VCPIP1: variants seen among roughly 807,000 people sequenced by gnomAD.
VCPIP1 encodes the protein deubiquitinating protein VCPIP1.
A neutral mutation model predicts 85.0 loss-of-function variants in VCPIP1; 8 were observed. The ratio of observed to expected loss-of-function variants is 0.09; its 90% CI spans 0.06 to 0.17. The LOEUF is 0.17. VCPIP1 is among the 10% of genes least tolerant of loss of function. The probability of loss-of-function intolerance (pLI) is 1.00; values close to 1 mark genes in which losing one functional copy is unlikely to be tolerated. For missense variants in VCPIP1, 1,070 were observed against 1,486.3 expected (o/e 0.72, Z 4.61); for synonymous variants, 543 against 544.5 (o/e 1.00, Z 0.04).
In VCPIP1 at chr8:66,665,271, G is replaced by C; in HGVS notation, c.1688C>G (p.Thr563Ser). Residue 563 changes from threonine to serine, a missense_variant, in exon 1 of 3, where the codon ACT becomes AGT. This residue lies in a region of VCPIP1 where 123 missense variants were observed against 156.3 expected (regional missense o/e 0.79). Coordinates refer to ENST00000310421, the MANE Select transcript of VCPIP1 (RefSeq NM_025054.5). This position sits in a 1 kb window ranked among gnomAD's most constrained non-coding sequence, Gnocchi z 4.3. Reference sequence around the variant, plus strand: ...TTTGCCACCAGTGGACCTAGAATTAGTTCTGTCTCCATCCAAATACACAAT... The same window carrying C: ...TTTGCCACCAGTGGACCTAGAATTACTTCTGTCTCCATCCAAATACACAAT... ...GSIVYLDGDR[T>S]NSRSTGGKCG... 6.2e-7 allele frequency: 1 copy of C among 1,614,158 alleles called. No individual in the cohort carries two copies.
At chr8:66,662,695 T>G (rs960448734) in intron 1 of VCPIP1, among the ~76,000 whole-genome samples, 13 of 151,974 alleles carry the variant, frequency 8.6e-5, no homozygotes, top group African/African-American at 2.7e-4. Context: ...TATTTATTTA[T>G]TTTTTGAGAC....
chr8:66,667,217 C>A lies in VCPIP1; in HGVS notation c.-259G>T, dbSNP rs567909310. 51 of 643,562 alleles carry A rather than the reference C, an allele frequency of 7.9e-5. No homozygotes were observed. The highest frequency in any genetic ancestry group is 8.8e-4 in the Middle Eastern group (2 of 2,272). The allele number at this position is 643,562 out of a possible 1,614,324, so 39.9% of individuals were successfully genotyped here. A position where few individuals can be genotyped will look rare whatever the true frequency, so the allele number is the denominator to read the frequency against. ...ACTCACACTCACTCACTCTCGCTCTCTCTCCCTCAGACACAGACATACACG... is the reference window on the plus strand; with the variant it reads ...ACTCACACTCACTCACTCTCGCTCTATCTCCCTCAGACACAGACATACACG... On this transcript the variant is annotated 5_prime_UTR_variant, in exon 1 of 3. Coordinates refer to ENST00000310421, the MANE Select transcript of VCPIP1 (RefSeq NM_025054.5).
chr8:66,635,913 CAAAAAAA>C (rs1187108604), intron 2 of VCPIP1, among the ~76,000 whole-genome samples: 1 of 75,730 alleles, frequency 1.3e-5, no homozygotes, highest in Non-Finnish European at 2.7e-5. Flanking sequence ...AACTCTATCT[CAAAAAAA>C]AAAAAAAAAA....
In VCPIP1 at chr8:66,632,262, C is replaced by T. The variant is rs1269785584; in HGVS notation, c.*2239G>A. ...ATTCTAAAACTTCTTTGTGAGGATACCTGGCCTACTTCTCAAAAACCATCA... is the reference window on the plus strand; with the variant it reads ...ATTCTAAAACTTCTTTGTGAGGATATCTGGCCTACTTCTCAAAAACCATCA... On this transcript the variant is annotated 3_prime_UTR_variant, in exon 3 of 3. Transcript: ENST00000310421. 4.6e-5 allele frequency: 7 copies of T among 151,984 alleles called. No individual in the cohort carries two copies. Among genetic ancestry groups the T allele is most frequent in the African/African-American group, 1.4e-4 (6 of 41,404 alleles). The allele number at this position is 151,984 out of a possible 1,614,324, so 9.4% of individuals were successfully genotyped here.
Position 66,631,924 on chromosome 8 carries a change from T to C in VCPIP1, c.*2577A>G, listed in dbSNP as rs941494473. On this transcript the variant is annotated 3_prime_UTR_variant, in exon 3 of 3. Transcript: ENST00000310421. The stretch of plus-strand genomic sequence containing the variant: ...ACTATCTTCAACACTACCTGGACTT[T>C]AGGTCATCAACTTAAATTTGGTATG... 7 of 152,536 alleles carry C rather than the reference T, an allele frequency of 4.6e-5. No individual in the cohort carries two copies. In the East Asian group the frequency reaches 5.8e-4, roughly 13 times the overall value. 9.4% of individuals were successfully genotyped at this position (152,536 alleles called of 1,614,324 possible).
chr8:66,665,088 T>C lies in VCPIP1; in HGVS notation c.1871A>G (p.Asp624Gly). ...CTTGGTAACAAGTTTCATTGCAACATCGTAAACATTACTATTCAAAGATGA... is the reference window on the plus strand; with the variant it reads ...CTTGGTAACAAGTTTCATTGCAACACCGTAAACATTACTATTCAAAGATGA... ...SDSSLNSNVY[D>G]VAMKLVTKHF... Residue 624 changes from aspartate to glycine, a missense_variant, in exon 1 of 3, where the codon GAT becomes GGT. Asp to Gly is a moderately conservative substitution (Grantham distance 94). Coordinates refer to ENST00000310421, the MANE Select transcript of VCPIP1 (RefSeq NM_025054.5). This position sits in a 1 kb window ranked among gnomAD's most constrained non-coding sequence, Gnocchi z 4.3. The C allele has an allele frequency of 1.2e-6, 2 of 1,614,050 alleles. No homozygotes were observed. The highest frequency in any genetic ancestry group is 1.7e-6 in the Non-Finnish European group (2 of 1,179,970).
At chr8:66,656,261 C>G (rs1387099132) in intron 1 of VCPIP1, among the ~76,000 whole-genome samples, 1 of 152,160 alleles carries the variant, frequency 6.6e-6, no homozygotes, top group Non-Finnish European at 1.5e-5. Flanking sequence ...GTGGCTCAAT[C>G]ATGGTTCACC....
At chr8:66,641,035 G>T (rs1466823871) in intron 2 of VCPIP1, among the ~76,000 whole-genome samples, 1 of 152,172 alleles carries the variant, frequency 6.6e-6, no homozygotes, top group Non-Finnish European at 1.5e-5. Flanking sequence ...GGCCCTGGGG[G>T]CCACAGGTAC....
intron 1 of VCPIP1, among the ~76,000 whole-genome samples, chr8:66,656,515 A>T (rs1811102080): frequency 6.6e-6 from 1 of 152,212 alleles, no homozygotes; most frequent in Non-Finnish European, 1.5e-5. Flanking sequence ...ATATTTAAAA[A>T]GGCAATTTGA....
At chr8:66,655,494 T>G (rs926900368) in intron 1 of VCPIP1, among the ~76,000 whole-genome samples, 5 of 152,196 alleles carry the variant, frequency 3.3e-5, no homozygotes, top group African/African-American at 1.2e-4. Context: ...TTAGACACCC[T>G]TGGCGGAGTG....
rs772207611 is a variant in VCPIP1 at position 66,665,696 on chromosome 8, A to G, written c.1263T>C (p.Phe421=). 21 of 1,614,140 alleles carry G rather than the reference A, an allele frequency of 1.3e-5. No homozygotes were observed. In the East Asian group the frequency reaches 4.7e-4, roughly 36 times the overall value. Residue 421 remains phenylalanine, a synonymous_variant, in exon 1 of 3, where the codon TTT becomes TTC. Coordinates refer to ENST00000310421, the MANE Select transcript of VCPIP1 (RefSeq NM_025054.5). This position sits in a 1 kb window ranked among gnomAD's most constrained non-coding sequence, Gnocchi z 4.3. ...LRLVAAMEEV[F]MDKHGIHPSL... is the part of the protein sequence containing the mutation. Reference sequence around the variant, plus strand: ...TAGGATGGATACCATGTTTGTCCATAAAGACTTCTTCCATAGCAGCAACAA... The same window carrying G: ...TAGGATGGATACCATGTTTGTCCATGAAGACTTCTTCCATAGCAGCAACAA...
At chr8:66,645,078 T>C (rs1054081380) in intron 2 of VCPIP1, among the ~76,000 whole-genome samples, 1 of 142,920 alleles carries the variant, frequency 7.0e-6, no homozygotes. Flanking sequence ...ATTGCGCCAC[T>C]GCACTCCAGC....
chr8:66,657,497 T>C (rs1811112279), intron 1 of VCPIP1, among the ~76,000 whole-genome samples: 1 of 152,202 alleles, frequency 6.6e-6, no homozygotes, highest in African/African-American at 2.4e-5. Context: ...CTATTGATAG[T>C]CAAAATGGTT....
intron 2 of VCPIP1, among the ~76,000 whole-genome samples, chr8:66,640,955 G>A (rs1336108135): frequency 6.6e-6 from 1 of 152,252 alleles, no homozygotes; most frequent in Non-Finnish European, 1.5e-5. Flanking sequence ...CCTTCAATGA[G>A]CTGTTAAGCA....
intron 1 of VCPIP1, among the ~76,000 whole-genome samples, chr8:66,662,774 G>A (rs530772640): frequency 5.3e-5 from 8 of 150,756 alleles, no homozygotes; most frequent in Non-Finnish European, 8.9e-5. Flanking sequence ...CTCCAACTCC[G>A]GGGTTGAAGC....
intron 2 of VCPIP1, among the ~76,000 whole-genome samples, chr8:66,639,874 G>A (rs989050083): frequency 4.6e-5 from 7 of 152,102 alleles, no homozygotes; most frequent in South Asian, 2.1e-4. Flanking sequence ...TGATGATGAT[G>A]ATAATAATAA....
Position 66,667,069 on chromosome 8 carries a change from T to G in VCPIP1, c.-111A>C, listed in dbSNP as rs766088299. 1.2e-5 allele frequency: 17 copies of G among 1,404,620 alleles called. No individual in the cohort carries two copies. Among genetic ancestry groups the G allele is most frequent in the Non-Finnish European group, 1.4e-5 (15 of 1,082,866 alleles). The allele number at this position is 1,404,620 out of a possible 1,614,324, so 87.0% of individuals were successfully genotyped here. A position where few individuals can be genotyped will look rare whatever the true frequency, so the allele number is the denominator to read the frequency against. On this transcript the variant is annotated 5_prime_UTR_variant, in exon 1 of 3. Coordinates refer to ENST00000310421, the MANE Select transcript of VCPIP1 (RefSeq NM_025054.5). ...AGTCCAGGCCCAGGGCGAAGCACTTTCCTTTCCCTACCAGCTCTTCCTCCT... is the reference window on the plus strand; with the variant it reads ...AGTCCAGGCCCAGGGCGAAGCACTTGCCTTTCCCTACCAGCTCTTCCTCCT...
chr8:66,645,367 G>A (rs998245218), intron 2 of VCPIP1, among the ~76,000 whole-genome samples: 5 of 152,014 alleles, frequency 3.3e-5, no homozygotes, highest in Non-Finnish European at 5.9e-5. Flanking sequence ...GTGGTGAGCT[G>A]AGATTGCACC....
chr8:66,660,237 C>T (rs1209965735), intron 1 of VCPIP1, among the ~76,000 whole-genome samples: 1 of 152,162 alleles, frequency 6.6e-6, no homozygotes, highest in Non-Finnish European at 1.5e-5. Context: ...TACTTGGTAC[C>T]TACTATGTGC....
Sources: allele counts gnomAD v4.1 joint callset (sites outside exome capture counted in the v4.1 genomes callset), GRCh38; gene constraint gnomAD v4.1.1; regional missense constraint gnomAD v4.1.1; non-coding constraint Gnocchi (gnomAD v3.1); transcripts MANE v1.5; gene names NCBI Gene and HGNC (gene_info 2026-07-23, HGNC 2026-07-21).